Variants in PCDHAC2 observed in about 807,000 individuals in gnomAD.
PCDHAC2 encodes the protein protocadherin alpha subfamily C, 2.
PCDHAC2 carries 24 observed loss-of-function variants against 63.3 expected under a neutral mutation model. The observed-to-expected ratio is 0.38, with a 90% CI of 0.27 to 0.53. The LOEUF (loss-of-function observed/expected upper bound fraction) is 0.53, where lower values mean the gene tolerates loss of function less well. Among genes scored for constraint, PCDHAC2 ranks in the 20% least tolerant of loss-of-function variants. The probability of loss-of-function intolerance (pLI) is 0.81; values close to 1 mark genes in which losing one functional copy is unlikely to be tolerated. For synonymous variants in PCDHAC2, 569 were observed against 529.4 expected (o/e 1.07, Z -1.03); for missense variants, 1,181 against 1,275.2 (o/e 0.93, Z 1.12).
At chr5:140,970,562 A>G (rs1406680335) in intron 1 of PCDHAC2, among the ~76,000 whole-genome samples, 1 of 152,156 alleles carries the variant, frequency 6.6e-6, no homozygotes, top group African/African-American at 2.4e-5. Flanking sequence ...TCGTCTCCAT[A>G]TGTATGCTTG....
intron 3 of PCDHAC2, among the ~76,000 whole-genome samples, chr5:141,006,429 G>A (rs541690957): frequency 1.3e-5 from 2 of 152,004 alleles, no homozygotes; most frequent in South Asian, 4.2e-4. Context: ...TAGCCAGGAT[G>A]GTCTCAATCT....
At chr5:140,969,760 C>T (rs1166018588) in intron 1 of PCDHAC2, among the ~76,000 whole-genome samples, 1 of 152,194 alleles carries the variant, frequency 6.6e-6, no homozygotes, top group Non-Finnish European at 1.5e-5. Flanking sequence ...TTAAAAAGCT[C>T]TGAGGCCTCT....
chr5:140,968,910 T>G lies in PCDHAC2; in HGVS notation c.2144T>G (p.Val715Gly), dbSNP rs782307931. 3 of 1,613,974 alleles carry G rather than the reference T, an allele frequency of 1.9e-6. No individual in the cohort carries two copies. The highest frequency in any genetic ancestry group is 2.5e-6 in the Non-Finnish European group (3 of 1,180,026). ...TLYLIIALST[V>G]SFIFLLTIII... ...TATCTAATAATAGCATTAAGCACAG[T>G]GTCTTTTATATTTCTTTTGACAATC... The change falls in exon 1 of 4, where the codon GTG becomes GGG. Residue 715 changes from valine to glycine, a missense_variant. Physicochemically the swap from Val to Gly is moderately radical, Grantham distance 109. Around this residue, in one of 3 missense-constraint regions of PCDHAC2, gnomAD observed 968 missense variants for 1,073.5 expected, o/e 0.90. Coordinates refer to ENST00000289269, the MANE Select transcript of PCDHAC2 (RefSeq NM_018899.6).
chr5:140,979,592 T>C (rs1554240865), intron 2 of PCDHAC2, among the ~76,000 whole-genome samples: 1 of 152,248 alleles, frequency 6.6e-6, no homozygotes, highest in African/African-American at 2.4e-5. Flanking sequence ...CTAGCTTACT[T>C]TAAATTAACC....
chr5:140,988,500 C>T (rs1340106461), intron 3 of PCDHAC2, among the ~76,000 whole-genome samples: 1 of 152,116 alleles, frequency 6.6e-6, no homozygotes, highest in Non-Finnish European at 1.5e-5. Flanking sequence ...TAGGAGAAGC[C>T]ATGAAGCTTA....
Position 141,010,339 on chromosome 5 carries a change from A to G in PCDHAC2, c.*402A>G. 2 of 1,534,058 alleles carry G rather than the reference A, an allele frequency of 1.3e-6. No homozygotes were observed. Among genetic ancestry groups the G allele is most frequent in the East Asian group, 4.9e-5 (2 of 40,762 alleles). On this transcript the variant is annotated 3_prime_UTR_variant, in exon 4 of 4. Transcript: ENST00000289269. ...TTGAGCAGCTTGGGAGTTTGTGGCC[A>G]CTGGGTATGTGTGGCTACCGCGGGT...
Position 140,997,511 on chromosome 5 carries a change from G to A in PCDHAC2, c.2714-12116G>A, listed in dbSNP as rs565737825. Among the ~76,000 whole-genome samples, 79 of 152,108 alleles carry A rather than the reference G, an allele frequency of 5.2e-4. No individual in the cohort carries two copies. In the South Asian group the frequency reaches 1.0e-2, roughly 19 times the overall value. ...TTTGTGTATCTCAACATACCTAAACGCAGAAAAAGTACAATAAAAATACAT... is the reference window on the plus strand; with the variant it reads ...TTTGTGTATCTCAACATACCTAAACACAGAAAAAGTACAATAAAAATACAT... On this transcript the variant is annotated intron_variant, in intron 3 of 3. Transcript: ENST00000289269.
In PCDHAC2 at chr5:140,966,803, C is replaced by G; in HGVS notation, c.37C>G (p.His13Asp). Residue 13 changes from histidine (H) to aspartate (D), a missense_variant, in exon 1 of 4, where the codon CAT (histidine) becomes GAT (aspartate). Physicochemically the swap from His to Asp is moderately conservative, Grantham distance 81 (BLOSUM62 -1). Transcript: ENST00000289269. ...GGGCACCAGACCTGCGGCGACAGAG[C>G]ATCCACGGCTCCGGCGGCCCATGCC... ...QAGTRPAATE[H>D]PRLRRPMPWL... is the part of the protein sequence containing the mutation. 1 of 1,542,484 alleles carries G rather than the reference C, an allele frequency of 6.5e-7. No homozygotes were observed. Among genetic ancestry groups the G allele is most frequent in the Non-Finnish European group, 8.7e-7 (1 of 1,147,592 alleles).
chr5:140,985,845 C>T (rs1381097554), intron 3 of PCDHAC2, among the ~76,000 whole-genome samples: 1 of 150,700 alleles, frequency 6.6e-6, no homozygotes, highest in African/African-American at 2.4e-5. Flanking sequence ...GTTCATGCCA[C>T]TCTCCTGCCT....
intron 1 of PCDHAC2, among the ~76,000 whole-genome samples, chr5:140,972,062 A>G (rs1398109338): frequency 6.6e-6 from 1 of 152,246 alleles, no homozygotes; most frequent in Admixed American, 6.5e-5. Flanking sequence ...AGTCGTATAT[A>G]TTAACTGCTT....
At chr5:141,008,367 G>A (rs2098373101) in intron 3 of PCDHAC2, among the ~76,000 whole-genome samples, 1 of 152,144 alleles carries the variant, frequency 6.6e-6, no homozygotes, top group African/African-American at 2.4e-5. Flanking sequence ...AAGGAGCAGT[G>A]TTAGATACAT....
In PCDHAC2 at chr5:141,012,204, T is replaced by C. The variant is rs1053312501; in HGVS notation, c.*2267T>C. The C allele has an allele frequency of 1.3e-5, 2 of 153,800 alleles. No homozygotes were observed. Among genetic ancestry groups the C allele is most frequent in the African/African-American group, 4.8e-5 (2 of 41,474 alleles). 9.5% of individuals were successfully genotyped at this position (153,800 alleles called of 1,614,324 possible). On this transcript the variant is annotated 3_prime_UTR_variant, in exon 4 of 4. Transcript: ENST00000289269. ...TATAATGTATCTGTACAGCACTTTT[T>C]ACATTTGCGAAGTGCTTTCCAATCC...
intron 1 of PCDHAC2, among the ~76,000 whole-genome samples, chr5:140,971,214 C>T (rs1285730991): frequency 6.6e-6 from 1 of 152,172 alleles, no homozygotes; most frequent in African/African-American, 2.4e-5. Flanking sequence ...GTTACCCTCC[C>T]TCTCCTGACT....
chr5:140,979,094 T>G, intron 2 of PCDHAC2, 87 bp downstream of exon 2: 3 of 1,551,990 alleles, frequency 1.9e-6, no homozygotes, highest in Non-Finnish European at 2.6e-6. Context: ...CAGAAGCAGC[T>G]GTCAAAACTA....
At position 141,010,020 on chromosome 5, in the gene PCDHAC2, TTCCTA is replaced by T. The variant is rs1554262638; in HGVS notation, c.*86_*90del. 6.4e-7 allele frequency: 1 copy of T among 1,572,330 alleles called. No individual in the cohort carries two copies. Among genetic ancestry groups the T allele is most frequent in the Non-Finnish European group, 8.6e-7 (1 of 1,163,268 alleles). On this transcript the variant is annotated 3_prime_UTR_variant, in exon 4 of 4. Coordinates refer to ENST00000289269, the MANE Select transcript of PCDHAC2 (RefSeq NM_018899.6). ...CCATGTAGCAATTCCCTGCTCCTTT[TTCCTA>T]TCTACATGAGCCCTCTTAGAGACCT...
Position 140,968,263 on chromosome 5 carries a change from G to A in PCDHAC2, c.1497G>A (p.Lys499=), listed in dbSNP as rs782272055. The A allele has an allele frequency of 1.2e-5, 20 of 1,613,978 alleles. No individual in the cohort carries two copies. The highest frequency in any genetic ancestry group is 3.3e-4 in the Middle Eastern group (2 of 6,084). The change falls in exon 1 of 4, where the codon AAG becomes AAA. Residue 499 remains lysine (K), a synonymous_variant. Coordinates refer to ENST00000289269, the MANE Select transcript of PCDHAC2 (RefSeq NM_018899.6). ...CTVQATDPDE[K]ENAEVTYSLL... is the part of the protein sequence containing the mutation. ...TGCAAGCCACAGACCCAGATGAAAA[G>A]GAGAATGCAGAGGTGACCTACTCCC...
chr5:140,973,388 G>T (rs1192097180), intron 1 of PCDHAC2, among the ~76,000 whole-genome samples: 4 of 152,202 alleles, frequency 2.6e-5, no homozygotes, highest in South Asian at 4.1e-4. Flanking sequence ...AATAGACAAA[G>T]AAATCATATC....
intron 3 of PCDHAC2, among the ~76,000 whole-genome samples, chr5:141,000,391 C>CTA (rs2097912428): frequency 7.9e-4 from 45 of 56,656 alleles, no homozygotes; most frequent in East Asian, 1.2e-3. Flanking sequence ...CTCTCTCTCT[C>CTA]TCTCTATATA....
chr5:140,985,228 C>G (rs1022229644), intron 3 of PCDHAC2, among the ~76,000 whole-genome samples: 4 of 152,156 alleles, frequency 2.6e-5, no homozygotes, highest in Non-Finnish European at 4.4e-5. Context: ...TGAGCCACCG[C>G]GCCTGGCCTA....
Sources: allele counts gnomAD v4.1 joint callset (sites outside exome capture counted in the v4.1 genomes callset), GRCh38; gene constraint gnomAD v4.1.1; regional missense constraint gnomAD v4.1.1; transcripts MANE v1.5; gene names NCBI Gene and HGNC (gene_info 2026-07-23, HGNC 2026-07-21).